Variants in EPHA6 observed in about 807,000 individuals in gnomAD.
The protein encoded by EPHA6 is EPH receptor A6, also known as ephrin type-A receptor 6.
Under a neutral mutation model 112.0 loss-of-function variants are expected in EPHA6, and 50 were observed. The ratio of observed to expected loss-of-function variants is 0.45; its 90% CI spans 0.36 to 0.56. The LOEUF is 0.56. EPHA6 is among the 20% of genes least tolerant of loss of function. EPHA6 has a pLI of 0.00. For synonymous variants in EPHA6, 529 were observed against 490.7 expected (o/e 1.08, Z -1.03); for missense variants, 1,280 against 1,417.4 (o/e 0.90, Z 1.56).
chr3:96,944,451 AT>A (rs1293812448), intron 2 of EPHA6, among the ~76,000 whole-genome samples: 5 of 152,034 alleles, frequency 3.3e-5, no homozygotes, highest in African/African-American at 1.2e-4. Context: ...ATGTTAATGA[AT>A]CCTGAATTTG....
intron 13 of EPHA6, among the ~76,000 whole-genome samples, chr3:97,621,444 A>T (rs1280358978): frequency 6.6e-6 from 1 of 151,948 alleles, no homozygotes; most frequent in African/African-American, 2.4e-5. Context: ...TTTCTTTTTT[A>T]AAAAAGGAAA....
chr3:97,347,088 C>G (rs907384556), intron 5 of EPHA6, among the ~76,000 whole-genome samples: 1 of 152,056 alleles, frequency 6.6e-6, no homozygotes, highest in Non-Finnish European at 1.5e-5. Context: ...CACCAGTTGT[C>G]TCTGAAATGT....
At chr3:97,646,043 A>T in intron 14 of EPHA6, 1 of 1,123,418 alleles carries the variant, frequency 8.9e-7, no homozygotes, top group Non-Finnish European at 1.2e-6. Context: ...ACAGTATGCT[A>T]CATGGAAGCT....
At chr3:96,990,322 G>A (rs532825415) in intron 3 of EPHA6, among the ~76,000 whole-genome samples, 11 of 152,174 alleles carry the variant, frequency 7.2e-5, no homozygotes, top group Middle Eastern at 3.4e-3. Context: ...ATGATAAGCA[G>A]CATCTGTTTA....
At chr3:97,604,196 A>C (rs191387163) in intron 12 of EPHA6, among the ~76,000 whole-genome samples, 106 of 151,948 alleles carry the variant, frequency 7.0e-4, no homozygotes, top group African/African-American at 2.4e-3. Flanking sequence ...TCAAATGAGG[A>C]AACAGAGACA....
chr3:97,530,758 T>C (rs547900539), intron 10 of EPHA6, among the ~76,000 whole-genome samples: 1 of 152,156 alleles, frequency 6.6e-6, no homozygotes, highest in East Asian at 1.9e-4. Context: ...TAGACTGCTT[T>C]CTATTTCTAA....
intron 1 of EPHA6, among the ~76,000 whole-genome samples, chr3:96,858,910 T>G (rs926568266): frequency 6.6e-6 from 1 of 152,122 alleles, no homozygotes; most frequent in African/African-American, 2.4e-5. Context: ...TCGATTTTAT[T>G]TTTTCTAGAG....
At chr3:97,704,562 A>G (rs1469359953) in intron 14 of EPHA6, among the ~76,000 whole-genome samples, 1 of 152,188 alleles carries the variant, frequency 6.6e-6, no homozygotes, top group Non-Finnish European at 1.5e-5. Context: ...CATAATAAAT[A>G]TCCTCATATA....
intron 1 of EPHA6, among the ~76,000 whole-genome samples, chr3:96,857,685 A>T (rs2035775456): frequency 6.6e-6 from 1 of 150,976 alleles, no homozygotes; most frequent in African/African-American, 2.4e-5. Context: ...TTTCCTGCCC[A>T]TTTCTCTCAT....
intron 10 of EPHA6, among the ~76,000 whole-genome samples, chr3:97,495,976 C>T (rs528457165): frequency 6.6e-6 from 1 of 152,108 alleles, no homozygotes; most frequent in African/African-American, 2.4e-5. Flanking sequence ...GGTTTCCCCA[C>T]CCCTTGCATT....
chr3:96,842,283 A>G (rs1028076449), intron 1 of EPHA6, among the ~76,000 whole-genome samples: 1 of 152,128 alleles, frequency 6.6e-6, no homozygotes, highest in Non-Finnish European at 1.5e-5. Flanking sequence ...GCATGAATTA[A>G]TAAGGTTTAT....
At chr3:97,745,276 T>A (rs77689310) in intron 16 of EPHA6, 1 of 380,162 alleles carries the variant, frequency 2.6e-6, no homozygotes, top group Non-Finnish European at 5.2e-6. Flanking sequence ...AAACTTTGAA[T>A]AAATACAGCA....
chr3:97,589,319 A>T (rs1332092536), intron 11 of EPHA6, among the ~76,000 whole-genome samples: 2 of 152,152 alleles, frequency 1.3e-5, no homozygotes, highest in South Asian at 2.1e-4. Context: ...TTGAAAACTG[A>T]TTATGCTGTA....
intron 11 of EPHA6, among the ~76,000 whole-genome samples, chr3:97,537,092 A>G (rs1055108359): frequency 6.6e-6 from 1 of 152,184 alleles, no homozygotes; most frequent in Non-Finnish European, 1.5e-5. Flanking sequence ...AAATAAGCAA[A>G]GAAAAAAACA....
chr3:97,701,620 A>G (rs113127080), intron 14 of EPHA6, among the ~76,000 whole-genome samples: 61 of 127,158 alleles, frequency 4.8e-4, no homozygotes, highest in African/African-American at 2.9e-3. Flanking sequence ...ATATATATGT[A>G]TATATATATA....
intron 1 of EPHA6, among the ~76,000 whole-genome samples, chr3:96,855,012 G>T (rs936956901): frequency 3.3e-5 from 5 of 152,054 alleles, no homozygotes; most frequent in African/African-American, 1.2e-4. Context: ...GTTCCATTCT[G>T]GAGGTTCTAG....
intron 6 of EPHA6, among the ~76,000 whole-genome samples, chr3:97,418,492 G>A (rs2088321886): frequency 6.6e-6 from 1 of 152,166 alleles, no homozygotes; most frequent in South Asian, 2.1e-4. Context: ...AAAAAAACAT[G>A]ACAACCAGAC....
At chr3:97,503,512 C>A (rs566924003) in intron 10 of EPHA6, among the ~76,000 whole-genome samples, 1 of 152,276 alleles carries the variant, frequency 6.6e-6, no homozygotes, top group East Asian at 1.9e-4. Flanking sequence ...ACAAAGCATG[C>A]ACCAAAGCTT....
At chr3:96,884,312 A>G (rs372158415) in intron 2 of EPHA6, among the ~76,000 whole-genome samples, 3 of 152,086 alleles carry the variant, frequency 2.0e-5, no homozygotes, top group Admixed American at 6.5e-5. Context: ...TTTTGGCAAC[A>G]TGGTCATTTT....
Sources: allele counts gnomAD v4.1 joint callset (sites outside exome capture counted in the v4.1 genomes callset), GRCh38; gene constraint gnomAD v4.1.1; transcripts MANE v1.5; gene names NCBI Gene and HGNC (gene_info 2026-07-23, HGNC 2026-07-21).